Variants in NCOA7 observed in about 807,000 individuals in gnomAD.
NCOA7 encodes 140 kDa estrogen receptor-associated protein.
Under a neutral mutation model 104.3 loss-of-function variants are expected in NCOA7, and 45 were observed. That is an observed-to-expected ratio of 0.43 (90% CI 0.34 to 0.55). NCOA7 has a LOEUF of 0.55. NCOA7 is among the 20% of genes least tolerant of loss of function. The pLI is 0.02. For missense variants in NCOA7, 1,041 were observed against 1,119.7 expected (o/e 0.93, Z 1.00); for synonymous variants, 398 against 402.3 (o/e 0.99, Z 0.13).
At chr6:125,814,857 A>G (rs969988506) in intron 1 of NCOA7, among the ~76,000 whole-genome samples, 7 of 152,180 alleles carry the variant, frequency 4.6e-5, no homozygotes, top group African/African-American at 1.4e-4. Flanking sequence ...TATTTTTTTA[A>G]AAAAACATTC....
chr6:125,838,690 C>A (rs549962487), intron 2 of NCOA7, among the ~76,000 whole-genome samples: 2 of 152,258 alleles, frequency 1.3e-5, no homozygotes, highest in African/African-American at 4.8e-5. Context: ...TCAGACTCCA[C>A]AGATTTAAGA....
intron 3 of NCOA7, among the ~76,000 whole-genome samples, chr6:125,870,415 C>T (rs963901699): frequency 4.6e-5 from 7 of 152,176 alleles, no homozygotes; most frequent in African/African-American, 1.7e-4. Flanking sequence ...CACCACCTTC[C>T]TTTTTTCCAT....
chr6:125,788,698 ATT>A (rs60048395), upstream of NCOA7, among the ~76,000 whole-genome samples: 7 of 121,868 alleles, frequency 5.7e-5, no homozygotes, highest in Admixed American at 9.0e-5. Flanking sequence ...CACCCAGCTA[ATT>A]TTTTTTTTTT....
At chr6:125,847,023 TG>T (rs1392010062) in intron 2 of NCOA7, among the ~76,000 whole-genome samples, 1 of 152,208 alleles carries the variant, frequency 6.6e-6, no homozygotes, top group East Asian at 1.9e-4. Flanking sequence ...ACAATATTTG[TG>T]TGTTAGATTA....
intron 2 of NCOA7, among the ~76,000 whole-genome samples, chr6:125,853,649 G>A (rs1349718596): frequency 1.3e-5 from 2 of 152,092 alleles, no homozygotes; most frequent in Non-Finnish European, 2.9e-5. Context: ...AAAGCTGAAT[G>A]TCTCATTTTT....
At chr6:125,847,082 T>C (rs1393852603) in intron 2 of NCOA7, among the ~76,000 whole-genome samples, 3 of 152,256 alleles carry the variant, frequency 2.0e-5, no homozygotes, top group Admixed American at 1.3e-4. Flanking sequence ...ATTTTTAATA[T>C]GTAATTGTAC....
chr6:125,880,952 C>G, intron 5 of NCOA7, 138 bp from the exon 6 acceptor site: 1 of 650,132 alleles, frequency 1.5e-6, no homozygotes, highest in Non-Finnish European at 2.8e-6. Context: ...CCGTAAGTTG[C>G]TTATGAGTTT....
intron 2 of NCOA7, among the ~76,000 whole-genome samples, chr6:125,841,696 A>C (rs980914540): frequency 6.6e-6 from 1 of 152,104 alleles, no homozygotes; most frequent in Non-Finnish European, 1.5e-5. Context: ...CTAACTTTAG[A>C]AGGAAAAAAA....
chr6:125,856,535 G>A (rs1020618256), intron 3 of NCOA7, among the ~76,000 whole-genome samples: 2 of 152,052 alleles, frequency 1.3e-5, no homozygotes, highest in Non-Finnish European at 2.9e-5. Flanking sequence ...TGTATATTTA[G>A]TAGAGACGGG....
chr6:125,831,434 C>T (rs1048381178), intron 2 of NCOA7, among the ~76,000 whole-genome samples: 9 of 151,296 alleles, frequency 5.9e-5, no homozygotes, highest in Non-Finnish European at 1.2e-4. Context: ...TCAAGCTACT[C>T]GGTGTGTCAT....
In NCOA7 at chr6:125,930,364, A is replaced by G. The variant is rs1183305681; in HGVS notation, c.*1593A>G. ...AGCGAGACTCTGTCTTAAAAATAAT[A>G]ACAATAATAATAATAATAAAGACTT... is the stretch of plus-strand genomic sequence containing the variant. On this transcript the variant is annotated 3_prime_UTR_variant, in exon 16 of 16. Coordinates refer to ENST00000392477, the MANE Select transcript of NCOA7 (RefSeq NM_181782.5). 6.6e-6 allele frequency: 1 copy of G among 152,372 alleles called. No homozygotes were observed. Among genetic ancestry groups the G allele is most frequent in the Non-Finnish European group, 1.5e-5 (1 of 68,024 alleles). The allele number at this position is 152,372 out of a possible 1,614,324, so 9.4% of individuals were successfully genotyped here.
chr6:125,913,603 C>A, intron 10 of NCOA7: 6 of 943,546 alleles, frequency 6.4e-6, no homozygotes, highest in Non-Finnish European at 7.6e-6. Context: ...ATGTCATATA[C>A]ACTGATACAC....
chr6:125,926,558 G>A (rs985540194), intron 13 of NCOA7, among the ~76,000 whole-genome samples: 1 of 152,006 alleles, frequency 6.6e-6, no homozygotes, highest in African/African-American at 2.4e-5. Context: ...GATTTTTTAT[G>A]TTTTGTTACT....
chr6:125,837,257 A>G (rs548549282), intron 2 of NCOA7, among the ~76,000 whole-genome samples: 17 of 152,294 alleles, frequency 1.1e-4, no homozygotes, highest in African/African-American at 3.8e-4. Flanking sequence ...TCATTCATTC[A>G]TTCATTCATA....
In NCOA7 at chr6:125,922,780, A is replaced by G. The variant is rs373409466; in HGVS notation, c.2469A>G (p.Lys823=). ...CCAGCTTAAAGACGCTCTACCGGAA[A>G]TCGGCATCACTAGACAGTCCTGTCC... is the stretch of plus-strand genomic sequence containing the variant. ...HGTSLKTLYR[K]SASLDSPVLL... is the part of the protein sequence containing the mutation. Residue 823 remains lysine (K), a synonymous_variant, in exon 13 of 16, where the codon AAA becomes AAG. Transcript: ENST00000392477. 7 of 1,614,056 alleles carry G rather than the reference A, an allele frequency of 4.3e-6. No individual in the cohort carries two copies. In the African/African-American group the frequency reaches 9.3e-5, roughly 22 times the overall value.
chr6:125,923,021 A>G (rs1310368044), intron 13 of NCOA7, among the ~76,000 whole-genome samples, 187 bp downstream of exon 13: 1 of 152,106 alleles, frequency 6.6e-6, no homozygotes, highest in Non-Finnish European at 1.5e-5. Flanking sequence ...TCATTATGGC[A>G]TTTCACCCCT....
chr6:125,847,741 T>G (rs934654595), intron 2 of NCOA7, among the ~76,000 whole-genome samples: 2 of 152,110 alleles, frequency 1.3e-5, no homozygotes, highest in Non-Finnish European at 1.5e-5. Flanking sequence ...GACAGAGGCA[T>G]GGGCAAGGAC....
In NCOA7 at chr6:125,889,200, T is replaced by A; in HGVS notation, c.1146T>A (p.His382Gln). Residue 382 changes from histidine to glutamine, a missense_variant, in exon 9 of 16, where the codon CAT (histidine) becomes CAA (glutamine). By Grantham distance (24) the His-to-Gln change is conservative. Transcript: ENST00000392477. ...TGGACTCCTCTAGGGAGACATCCCA[T>A]GGTTCTCCCACAGTGACTAAGCTCA... is the stretch of plus-strand genomic sequence containing the variant. ...KKLDSSRETS[H>Q]GSPTVTKLSK... 1 of 1,614,042 alleles carries A rather than the reference T, an allele frequency of 6.2e-7. No homozygotes were observed. Among genetic ancestry groups the A allele is most frequent in the Non-Finnish European group, 8.5e-7 (1 of 1,179,990 alleles).
At chr6:125,918,964 A>AT (rs1257478317) in intron 11 of NCOA7, among the ~76,000 whole-genome samples, 1 of 152,086 alleles carries the variant, frequency 6.6e-6, no homozygotes, top group Non-Finnish European at 1.5e-5. Context: ...GAAAAAAAAA[A>AT]GAAAAAAAAC....
Sources: gnomAD v4.1 joint callset for allele counts (sites outside exome capture counted in the v4.1 genomes callset) on GRCh38, gnomAD v4.1.1 for gene constraint, MANE v1.5 for transcripts, NCBI Gene and HGNC (gene_info 2026-07-23, HGNC 2026-07-21) for gene names.